The following EHMT1 variants were observed in gnomAD, a reference collection of about 807,000 sequenced individuals.
The protein encoded by EHMT1 is euchromatic histone lysine methyltransferase 1.
Under a neutral mutation model 147.2 loss-of-function variants are expected in EHMT1, and 15 were observed. That is an observed-to-expected ratio of 0.10 (90% confidence interval 0.07 to 0.16). The LOEUF is 0.16. Among genes scored for constraint, EHMT1 ranks in the 10% least tolerant of loss-of-function variants. EHMT1 has a pLI of 1.00. For missense variants in EHMT1, 1,587 were observed against 1,772.4 expected, an observed-to-expected ratio of 0.90 and a Z score of 1.88; for synonymous variants, 795 against 709.6, an observed-to-expected ratio of 1.12 and a Z score of -1.91.
intron 1 of EHMT1, among the ~76,000 whole-genome samples, chr9:137,708,134 C>A (rs1212811102): frequency 1.3e-5 from 2 of 152,214 alleles, no homozygotes; most frequent in African/African-American, 4.8e-5. Context: ...GTGAAAAGTA[C>A]TTTTTCTGAA....
chr9:137,827,798 C>A (rs1955914925), intron 25 of EHMT1, among the ~76,000 whole-genome samples: 1 of 144,830 alleles, frequency 6.9e-6, no homozygotes, highest in African/African-American at 2.5e-5. Context: ...TTCAAATCTC[C>A]CATCAACTTG....
chr9:137,646,412 C>T (rs781370863), intron 1 of EHMT1: 11 of 985,574 alleles, frequency 1.1e-5, no homozygotes, highest in Non-Finnish European at 1.2e-5. Flanking sequence ...GGACGAGGGA[C>T]TCATTCTCTG....
At chr9:137,742,129 T>C (rs1438557625) in intron 4 of EHMT1, among the ~76,000 whole-genome samples, 1 of 152,166 alleles carries the variant, frequency 6.6e-6, no homozygotes. Flanking sequence ...TGTGATCGTT[T>C]CCCAGCGTCC....
chr9:137,660,253 G>A (rs1938941100), intron 1 of EHMT1, among the ~76,000 whole-genome samples: 1 of 152,056 alleles, frequency 6.6e-6, no homozygotes, highest in African/African-American at 2.4e-5. Flanking sequence ...GATGACTTGA[G>A]CCTGGGAGGC....
intron 3 of EHMT1, among the ~76,000 whole-genome samples, chr9:137,725,166 C>G (rs1211320349): frequency 7.1e-6 from 1 of 141,192 alleles, no homozygotes; most frequent in Non-Finnish European, 1.5e-5. Context: ...GTGTGGCATT[C>G]GTGTGGCAGG....
At chr9:137,681,520 TG>T (rs1941935148) in intron 1 of EHMT1, among the ~76,000 whole-genome samples, 1 of 152,224 alleles carries the variant, frequency 6.6e-6, no homozygotes, top group Non-Finnish European at 1.5e-5. Context: ...CAAAATATGT[TG>T]TTTTTTCTCT....
Position 137,807,509 on chromosome 9 carries a change from A to G in EHMT1, c.2713-3952A>G, listed in dbSNP as rs56303307. ...TATTTATTTATTTATTTATTTATTT[A>G]TTTATTTGTTTATTTTAAGGCAGAG... is the stretch of plus-strand genomic sequence containing the variant. On this transcript the variant is annotated intron_variant, in intron 18 of 26. Coordinates refer to ENST00000460843, the MANE Select transcript of EHMT1 (RefSeq NM_024757.5). Among the ~76,000 whole-genome samples, 449 of 131,830 alleles carry G rather than the reference A, an allele frequency of 3.4e-3. 1 individual carries two copies. Among genetic ancestry groups the G allele is most frequent in the African/African-American group, 0.017 (413 of 24,658 alleles). 86.5% of individuals were successfully genotyped at this position (131,830 alleles called of 152,430 possible). A position where few individuals can be genotyped will look rare whatever the true frequency, so the allele number is the denominator to read the frequency against.
chr9:137,700,408 T>G (rs1409354421), intron 1 of EHMT1, among the ~76,000 whole-genome samples: 2 of 152,220 alleles, frequency 1.3e-5, no homozygotes, highest in African/African-American at 2.4e-5. Context: ...GGAAAAAACT[T>G]CACGAAGTGG....
intron 4 of EHMT1, among the ~76,000 whole-genome samples, chr9:137,735,770 C>T (rs1487101587): frequency 6.6e-6 from 1 of 152,172 alleles, no homozygotes; most frequent in Admixed American, 6.5e-5. Context: ...AATTCTCGCT[C>T]TTAGTTGCCT....
At position 137,787,944 on chromosome 9, in the gene EHMT1, GA is replaced by G; in HGVS notation, c.2383-2903del. The G allele has an allele frequency of 6.6e-7, 1 of 1,507,986 alleles. No individual in the cohort carries two copies. 93.4% of individuals were successfully genotyped at this position (1,507,986 alleles called of 1,614,324 possible). ...GGAGGTGGGCAGCTGCCCCCAGAGG[GA>G]GGCCCTGTGTCCCCCACTGGACAGC... On this transcript the variant is annotated intron_variant, in intron 15 of 26. Transcript: ENST00000460843. This position sits in a 1 kb window ranked among gnomAD's most constrained non-coding sequence, Gnocchi z 4.2.
intron 1 of EHMT1, among the ~76,000 whole-genome samples, chr9:137,680,730 G>A (rs1386742524): frequency 1.3e-5 from 2 of 152,224 alleles, no homozygotes; most frequent in Admixed American, 1.3e-4. Flanking sequence ...ATGCAAAGAA[G>A]GTGCACTGTG....
At chr9:137,777,056 T>C in intron 12 of EHMT1, 2 of 557,816 alleles carry the variant, frequency 3.6e-6, no homozygotes, top group African/African-American at 1.9e-5. Flanking sequence ...TGTAGATCCA[T>C]TTGCCTGTTT....
chr9:137,669,336 G>GCACTCAACTCCACCCAA (rs1564562348), intron 1 of EHMT1, among the ~76,000 whole-genome samples: 1 of 22,186 alleles, frequency 4.5e-5, no homozygotes, highest in Non-Finnish European at 8.4e-5. Context: ...CACAGCACGT[G>GCACTCAACTCCACCCAA]GACCCCACAC....
intron 3 of EHMT1, among the ~76,000 whole-genome samples, chr9:137,722,666 G>A: frequency 6.6e-6 from 1 of 151,958 alleles, no homozygotes; most frequent in East Asian, 1.9e-4. Flanking sequence ...CAGAGACTGT[G>A]GGTGGGTGGG....
chr9:137,709,593 A>G (rs1944520938), intron 1 of EHMT1, among the ~76,000 whole-genome samples: 1 of 151,928 alleles, frequency 6.6e-6, no homozygotes, highest in Admixed American at 6.6e-5. Context: ...TGTGGGGAGG[A>G]GGGGTTCTGT....
chr9:137,783,610 G>A (rs538827885), intron 15 of EHMT1, among the ~76,000 whole-genome samples: 9 of 152,318 alleles, frequency 5.9e-5, no homozygotes, highest in African/African-American at 1.2e-4. Flanking sequence ...CTTGCTTGCC[G>A]GGGGCTTGTC....
At chr9:137,656,040 G>T (rs1220445874) in intron 1 of EHMT1, among the ~76,000 whole-genome samples, 1 of 152,148 alleles carries the variant, frequency 6.6e-6, no homozygotes, top group East Asian at 1.9e-4. Context: ...AGACATGCTG[G>T]AATATTCAAG....
At chr9:137,672,484 T>C (rs17496354) in intron 1 of EHMT1, among the ~76,000 whole-genome samples, 27,741 of 152,120 alleles carry the variant, frequency 0.18, 2,747 homozygotes, top group Admixed American at 0.32. Context: ...GGTTTTGACA[T>C]GGTAACACTA....
chr9:137,673,905 A>T (rs1220504728), intron 1 of EHMT1, among the ~76,000 whole-genome samples: 2 of 152,204 alleles, frequency 1.3e-5, no homozygotes, highest in Non-Finnish European at 2.9e-5. Context: ...AGGACCTGAG[A>T]GTCTGTGGGT....
Sources: gnomAD v4.1 joint callset for allele counts (sites outside exome capture counted in the v4.1 genomes callset) on GRCh38, gnomAD v4.1.1 for gene constraint, Gnocchi (gnomAD v3.1) non-coding constraint, MANE v1.5 for transcripts, NCBI Gene and HGNC (gene_info 2026-07-23, HGNC 2026-07-21) for gene names.